The following ATXN10 variants were observed in gnomAD, a reference collection of about 807,000 sequenced individuals.
The protein encoded by ATXN10 is ataxin 10, also known as ataxin-10.
A neutral mutation model predicts 52.9 loss-of-function variants in ATXN10; 28 were observed. The ratio of observed to expected loss-of-function variants is 0.53; its 90% confidence interval spans 0.39 to 0.73. The LOEUF is 0.73. Among genes scored for constraint, ATXN10 ranks in the 30% least tolerant of loss-of-function variants. ATXN10 has a pLI of 0.00. For missense variants in ATXN10, 565 were observed against 577.0 expected, an observed-to-expected ratio of 0.98 and a Z score of 0.21; for synonymous variants, 226 against 221.5, an observed-to-expected ratio of 1.02 and a Z score of -0.18.
intron 9 of ATXN10, among the ~76,000 whole-genome samples, chr22:45,748,730 G>A (rs1306281657): frequency 6.6e-6 from 1 of 152,136 alleles, no homozygotes; most frequent in East Asian, 1.9e-4. Context: ...TGAATGTATA[G>A]GCAAGATCTG....
rs186780419 is a variant in ATXN10 at position 45,729,582 on chromosome 22, G to C, written c.886G>C (p.Asp296His). 2 of 1,614,136 alleles carry C rather than the reference G, an allele frequency of 1.2e-6. No individual in the cohort carries two copies. Among genetic ancestry groups the C allele is most frequent in the African/African-American group, 1.3e-5 (1 of 75,054 alleles). ...VLKLASEEPP[D>H]DEEALATIRL... ...CAAGCTGGCCTCTGAGGAGCCTCCT[G>C]ATGATGAGGTAAGGGAGGCAGATTT... Residue 296 changes from aspartate to histidine, a missense_variant, in exon 7 of 12, where the codon GAT (aspartate) becomes CAT (histidine). Coordinates refer to ENST00000252934, the MANE Select transcript of ATXN10 (RefSeq NM_013236.4).
In ATXN10 at chr22:45,718,510, C is replaced by T. The variant is rs759792313; in HGVS notation, c.728+17C>T. 12 of 1,606,004 alleles carry T rather than the reference C, an allele frequency of 7.5e-6. No homozygotes were observed. Among genetic ancestry groups the T allele is most frequent in the African/African-American group, 4.0e-5 (3 of 74,788 alleles). ...TCAAGAAAGGTAACCCCCCAACCAG[C>T]GTGGTCTGGAGTATTTAGCATTCCA... On this transcript the variant is annotated intron_variant, in intron 6 of 11. Coordinates refer to ENST00000252934, the MANE Select transcript of ATXN10 (RefSeq NM_013236.4). The surrounding 1 kb of genome is among the most constrained non-coding windows in gnomAD (Gnocchi z 4.4).
At position 45,694,975 on chromosome 22, in the gene ATXN10, C is replaced by T. The variant is rs187429070; in HGVS notation, c.391+1897C>T. Reference sequence around the variant, plus strand: ...AAAAAAAAAAAAAAAAACAAAACCCCAGAAAATTTTAATGTAAATTTCCAG... The same window carrying T: ...AAAAAAAAAAAAAAAAACAAAACCCTAGAAAATTTTAATGTAAATTTCCAG... On this transcript the variant is annotated intron_variant, in intron 3 of 11. Coordinates refer to ENST00000252934, the MANE Select transcript of ATXN10 (RefSeq NM_013236.4). Among the ~76,000 whole-genome samples the T allele has an allele frequency of 1.9e-3, 277 of 145,846 alleles. 2 individuals are homozygous for T. The highest frequency in any genetic ancestry group is 3.3e-3 in the Non-Finnish European group (223 of 66,904).
chr22:45,793,732 G>C, intron 9 of ATXN10: 1 of 1,449,866 alleles, frequency 6.9e-7, no homozygotes. Context: ...CTACTGAGGA[G>C]CTCTTGCCAC....
At chr22:45,672,384 G>C in intron 1 of ATXN10, 2 of 395,838 alleles carry the variant, frequency 5.1e-6, no homozygotes, top group Non-Finnish European at 7.4e-6. Flanking sequence ...CCTGGGGCGG[G>C]CGCCCCGCTC....
intron 9 of ATXN10, among the ~76,000 whole-genome samples, chr22:45,768,646 A>C (rs1465240528): frequency 6.6e-6 from 1 of 152,238 alleles, no homozygotes; most frequent in Non-Finnish European, 1.5e-5. Flanking sequence ...GGCATTAAAA[A>C]GAATTTACAA....
At position 45,727,859 on chromosome 22, in the gene ATXN10, A is replaced by C. The variant is rs998093702; in HGVS notation, c.729-1566A>C. Among the ~76,000 whole-genome samples, 2 of 151,312 alleles carry C rather than the reference A, an allele frequency of 1.3e-5. No individual in the cohort carries two copies. Among genetic ancestry groups the C allele is most frequent in the Non-Finnish European group, 2.9e-5 (2 of 67,812 alleles). On this transcript the variant is annotated intron_variant, in intron 6 of 11. Coordinates refer to ENST00000252934, the MANE Select transcript of ATXN10 (RefSeq NM_013236.4). The surrounding 1 kb of genome is among the most constrained non-coding windows in gnomAD (Gnocchi z 4.6). ...TAATGACCTTCTTTGTCTTTTTTTT[A>C]CTGTTGTTGCTTTAAAGTCTATTTT...
At chr22:45,798,415 A>G (rs1414771225) in intron 9 of ATXN10, among the ~76,000 whole-genome samples, 1 of 152,242 alleles carries the variant, frequency 6.6e-6, no homozygotes, top group African/African-American at 2.4e-5. Flanking sequence ...TTAACAGAAT[A>G]AGAGGGAGGA....
At chr22:45,722,469 T>C (rs577644314) in intron 6 of ATXN10, among the ~76,000 whole-genome samples, 1 of 152,360 alleles carries the variant, frequency 6.6e-6, no homozygotes, top group South Asian at 2.1e-4. Context: ...GTTTGTACTT[T>C]TATATTTTAA....
chr22:45,803,781 G>T (rs1252909150), intron 9 of ATXN10, among the ~76,000 whole-genome samples: 1 of 152,102 alleles, frequency 6.6e-6, no homozygotes, highest in Admixed American at 6.5e-5. Context: ...CGTGGGGCAG[G>T]TTATCAGAGG....
chr22:45,776,891 A>T (rs1036356708), intron 9 of ATXN10, among the ~76,000 whole-genome samples: 1 of 152,170 alleles, frequency 6.6e-6, no homozygotes, highest in African/African-American at 2.4e-5. Context: ...TCATGGAAGG[A>T]TCTGTACCGT....
chr22:45,750,507 A>C lies in ATXN10; in HGVS notation c.1173+9969A>C, dbSNP rs897296462. Among the ~76,000 whole-genome samples the C allele has an allele frequency of 2.6e-5, 4 of 152,232 alleles. No homozygotes were observed. Among genetic ancestry groups the C allele is most frequent in the Non-Finnish European group, 4.4e-5 (3 of 68,042 alleles). Reference sequence around the variant, plus strand: ...GGTGAGGGGAAAACCAGCTGTATAAACTGAGAGCTGTACCTTGTTCCTGTA... The same window carrying C: ...GGTGAGGGGAAAACCAGCTGTATAACCTGAGAGCTGTACCTTGTTCCTGTA... On this transcript the variant is annotated intron_variant, in intron 9 of 11. Transcript: ENST00000252934. This position sits in a 1 kb window ranked among gnomAD's most constrained non-coding sequence, Gnocchi z 4.2.
chr22:45,773,001 C>T (rs1926827505), intron 9 of ATXN10, among the ~76,000 whole-genome samples: 1 of 152,146 alleles, frequency 6.6e-6, no homozygotes, highest in Non-Finnish European at 1.5e-5. Context: ...TTTTTAAAGT[C>T]TTTTTCCCCC....
chr22:45,824,162 C>T lies in ATXN10; in HGVS notation c.1237+17140C>T, dbSNP rs917581011. Among the ~76,000 whole-genome samples, 5 of 152,082 alleles carry T rather than the reference C, an allele frequency of 3.3e-5. No individual in the cohort carries two copies. The highest frequency in any genetic ancestry group is 3.9e-4 in the East Asian group (2 of 5,178). ...AGTCAGCCCGTCCTGTTTTCCCTTCCGGCACTCTGGCCACCCTCTTCTAAT... is the reference window on the plus strand; with the variant it reads ...AGTCAGCCCGTCCTGTTTTCCCTTCTGGCACTCTGGCCACCCTCTTCTAAT... On this transcript the variant is annotated intron_variant, in intron 10 of 11. Transcript: ENST00000252934. This position sits in a 1 kb window ranked among gnomAD's most constrained non-coding sequence, Gnocchi z 5.2.
chr22:45,726,795 TCTCAGCCTCCCAA>T (rs2146785739), intron 6 of ATXN10, among the ~76,000 whole-genome samples: 1 of 152,156 alleles, frequency 6.6e-6, no homozygotes, highest in Non-Finnish European at 1.5e-5. Flanking sequence ...GATCCTCCCA[TCTCAGCCTCCCAA>T]GTAGCTGGGA....
chr22:45,747,012 T>C (rs1925756945), intron 9 of ATXN10, among the ~76,000 whole-genome samples: 1 of 152,214 alleles, frequency 6.6e-6, no homozygotes, highest in South Asian at 2.1e-4. Flanking sequence ...CTCCATCCCT[T>C]CTTAGTTATA....
chr22:45,722,841 G>GT (rs991983348), intron 6 of ATXN10, among the ~76,000 whole-genome samples: 1 of 151,632 alleles, frequency 6.6e-6, no homozygotes, highest in Non-Finnish European at 1.5e-5. Context: ...ACTATTGTTC[G>GT]TTTTTTTTCT....
intron 1 of ATXN10, among the ~76,000 whole-genome samples, chr22:45,687,607 C>G (rs903142987): frequency 3.3e-5 from 5 of 152,202 alleles, no homozygotes; most frequent in African/African-American, 1.2e-4. Context: ...GGCTTCAAAA[C>G]TTCATGCAGA....
chr22:45,738,833 G>C lies in ATXN10; in HGVS notation c.997G>C (p.Val333Leu), dbSNP rs1238385297. 6.2e-7 allele frequency: 1 copy of C among 1,612,732 alleles called. No individual in the cohort carries two copies. The highest frequency in any genetic ancestry group is 8.5e-7 in the Non-Finnish European group (1 of 1,178,852). Residue 333 changes from valine (V) to leucine (L), a missense_variant, in exon 8 of 12, where the codon GTG becomes CTG. By Grantham distance (32) the Val-to-Leu change is conservative (BLOSUM62 1). Transcript: ENST00000252934. ...GGTTTTCCCTGGCTTGCTGGAAAGAGTGATTGGTGAGTGAAATATCACACA... is the reference window on the plus strand; with the variant it reads ...GGTTTTCCCTGGCTTGCTGGAAAGACTGATTGGTGAGTGAAATATCACACA... ...LQVFPGLLER[V>L]IDLLRVIHVA...
Sources: allele counts gnomAD v4.1 joint callset (sites outside exome capture counted in the v4.1 genomes callset), GRCh38; gene constraint gnomAD v4.1.1; non-coding constraint Gnocchi (gnomAD v3.1); transcripts MANE v1.5; gene names NCBI Gene and HGNC (gene_info 2026-07-23, HGNC 2026-07-21).